Variants in FCHO2 observed in about 807,000 individuals in gnomAD.
The protein encoded by FCHO2 is FCH and mu domain containing endocytic adaptor 2, also known as F-BAR domain only protein 2.
A neutral mutation model predicts 114.1 loss-of-function variants in FCHO2; 43 were observed. The observed-to-expected ratio is 0.38, with a 90% CI of 0.30 to 0.49. The LOEUF is 0.49. Ranked by LOEUF, FCHO2 falls within the 20% of genes least tolerant of loss-of-function variation. The pLI is 0.97. For synonymous variants in FCHO2, 293 were observed against 315.2 expected (o/e 0.93, Z 0.75); for missense variants, 807 against 950.4 (o/e 0.85, Z 1.98).
At chr5:73,013,209 C>T (rs998713751) in intron 6 of FCHO2, among the ~76,000 whole-genome samples, 1 of 151,620 alleles carries the variant, frequency 6.6e-6, no homozygotes, top group Non-Finnish European at 1.5e-5. Context: ...CAAATTGATT[C>T]AAGTTTTTGG....
intron 2 of FCHO2, among the ~76,000 whole-genome samples, chr5:72,970,726 T>A (rs1752497152): frequency 1.3e-5 from 2 of 152,008 alleles, no homozygotes; most frequent in South Asian, 4.1e-4. Context: ...ATACTTTAAG[T>A]TTTAGGGTAC....
chr5:73,077,549 G>A, intron 21 of FCHO2, 56 bp downstream of exon 21: 1 of 1,521,908 alleles, frequency 6.6e-7, no homozygotes, highest in Non-Finnish European at 8.8e-7. Flanking sequence ...TTTCTTTCCT[G>A]CTGTGCACAG....
intron 6 of FCHO2, among the ~76,000 whole-genome samples, chr5:73,011,559 C>T (rs1038562459): frequency 1.3e-5 from 2 of 151,982 alleles, no homozygotes; most frequent in African/African-American, 2.4e-5. Flanking sequence ...TAGGATTGCT[C>T]TTTTATCTCC....
intron 22 of FCHO2, among the ~76,000 whole-genome samples, chr5:73,078,708 A>G (rs1742996907): frequency 6.6e-6 from 1 of 152,244 alleles, no homozygotes; most frequent in South Asian, 2.1e-4. Context: ...ATAAGCATTA[A>G]TAAATACTGG....
intron 13 of FCHO2, chr5:73,052,979 AT>A (rs1325338570): frequency 6.6e-6 from 1 of 152,364 alleles, no homozygotes; most frequent in Non-Finnish European, 1.5e-5. Flanking sequence ...GTAATAGTTA[AT>A]TCCTCAATTC....
intron 20 of FCHO2, 31 bp from the exon 21 acceptor site, chr5:73,077,307 A>C: frequency 6.5e-7 from 1 of 1,540,724 alleles, no homozygotes. Flanking sequence ...AGAGCATTTT[A>C]TTTAAACACT....
chr5:72,966,945 A>G (rs1369047708), intron 1 of FCHO2, among the ~76,000 whole-genome samples: 1 of 152,248 alleles, frequency 6.6e-6, no homozygotes, highest in Non-Finnish European at 1.5e-5. Flanking sequence ...GGATTAAACA[A>G]CAGTAGAGGT....
At chr5:73,043,409 TACAC>T (rs35051270) in intron 11 of FCHO2, among the ~76,000 whole-genome samples, 12 of 150,948 alleles carry the variant, frequency 7.9e-5, no homozygotes, top group Admixed American at 4.6e-4. Flanking sequence ...CACACACACA[TACAC>T]ACACACACAC....
At chr5:73,052,593 T>C in intron 13 of FCHO2, 86 bp downstream of exon 13, 1 of 1,024,114 alleles carries the variant, frequency 9.8e-7, no homozygotes, top group South Asian at 1.7e-5. Flanking sequence ...ACTTAGCAAT[T>C]GTTAAGCATG....
chr5:73,068,564 T>A (rs142389225), intron 18 of FCHO2, 86 bp from the exon 19 acceptor site: 3 of 1,452,056 alleles, frequency 2.1e-6, no homozygotes, highest in African/African-American at 2.8e-5. Context: ...TGGTTTGGTA[T>A]GTTAAATTTA....
At chr5:73,051,798 G>C (rs1322429527) in intron 12 of FCHO2, among the ~76,000 whole-genome samples, 1 of 152,110 alleles carries the variant, frequency 6.6e-6, no homozygotes, top group Non-Finnish European at 1.5e-5. Context: ...AAGAACTCCT[G>C]ACCTCAAGTG....
chr5:73,081,735 C>G, intron 22 of FCHO2, 48 bp from the exon 23 acceptor site: 1 of 1,377,382 alleles, frequency 7.3e-7, no homozygotes, highest in African/African-American at 1.5e-5. Context: ...AACATGACTT[C>G]TTAACTTTTC....
intron 2 of FCHO2, among the ~76,000 whole-genome samples, chr5:72,970,017 C>T (rs1561407627): frequency 6.6e-6 from 1 of 152,136 alleles, no homozygotes; most frequent in Non-Finnish European, 1.5e-5. Flanking sequence ...TTATTTTTGC[C>T]TGAACTTCAG....
intron 14 of FCHO2, 125 bp downstream of exon 14, chr5:73,054,296 G>T: frequency 1.1e-6 from 1 of 952,074 alleles, no homozygotes; most frequent in Non-Finnish European, 1.5e-6. Context: ...TGTTGTAGAT[G>T]TTGCTTTAAT....
At chr5:72,991,564 T>G (rs568874980) in intron 5 of FCHO2, among the ~76,000 whole-genome samples, 1 of 152,378 alleles carries the variant, frequency 6.6e-6, no homozygotes, top group African/African-American at 2.4e-5. Context: ...TTGCTGACTT[T>G]GAGCACATTT....
intron 6 of FCHO2, among the ~76,000 whole-genome samples, chr5:73,012,192 C>G (rs1054200892): frequency 1.3e-5 from 2 of 152,168 alleles, no homozygotes; most frequent in African/African-American, 4.8e-5. Context: ...ATGCGTTGCA[C>G]TACGTTATGG....
chr5:73,085,929 C>T (rs1008006940), intron 24 of FCHO2, among the ~76,000 whole-genome samples: 1 of 151,832 alleles, frequency 6.6e-6, no homozygotes, highest in African/African-American at 2.4e-5. Flanking sequence ...TCAAGACCAG[C>T]CTGGCCAATA....
intron 24 of FCHO2, 143 bp downstream of exon 24, chr5:73,082,968 G>A (rs1156515097): frequency 7.8e-6 from 5 of 644,026 alleles, no homozygotes; most frequent in African/African-American, 1.9e-5. Context: ...CCGCCTGCTG[G>A]GTTCAAGCGA....
intron 20 of FCHO2, among the ~76,000 whole-genome samples, chr5:73,075,140 T>C (rs1025410939): frequency 2.0e-5 from 3 of 152,190 alleles, no homozygotes; most frequent in Non-Finnish European, 4.4e-5. Context: ...GCTTGCATTA[T>C]AGTGAGGGAA....
Sources: allele counts gnomAD v4.1 joint callset (sites outside exome capture counted in the v4.1 genomes callset), GRCh38; gene constraint gnomAD v4.1.1; transcripts MANE v1.5; gene names NCBI Gene and HGNC (gene_info 2026-07-23, HGNC 2026-07-21).